MPP7: variants seen among roughly 807,000 people sequenced by gnomAD.
The protein encoded by MPP7 is MAGUK p55 scaffold protein 7.
A neutral mutation model predicts 76.5 loss-of-function variants in MPP7; 60 were observed. The observed-to-expected ratio is 0.78, with a 90% CI of 0.64 to 0.97. The LOEUF is 0.97. Ranked by LOEUF, MPP7 falls within the 50% of genes least tolerant of loss-of-function variation. MPP7 has a pLI of 0.00. For synonymous variants in MPP7, 237 were observed against 244.5 expected (o/e 0.97, Z 0.29); for missense variants, 641 against 694.0 (o/e 0.92, Z 0.86).
chr10:28,178,950 C>G (rs1192234065), intron 3 of MPP7, among the ~76,000 whole-genome samples: 1 of 151,888 alleles, frequency 6.6e-6, no homozygotes, highest in Non-Finnish European at 1.5e-5. Context: ...TCTTTAAAAG[C>G]AAAGGTAAAA....
intron 2 of MPP7, among the ~76,000 whole-genome samples, chr10:28,213,382 C>T (rs1006478048): frequency 2.7e-4 from 41 of 152,104 alleles, no homozygotes; most frequent in Admixed American, 2.7e-3. Context: ...CCACGTGGGG[C>T]AAATGTGGTT....
chr10:28,323,368 A>G (rs963980798), intron 2 of MPP7, among the ~76,000 whole-genome samples: 4 of 152,040 alleles, frequency 2.6e-5, no homozygotes, highest in Non-Finnish European at 5.9e-5. Flanking sequence ...TAGGAGGATC[A>G]ATTGAGCCTA....
At chr10:28,311,836 T>G (rs1039226768) in intron 2 of MPP7, among the ~76,000 whole-genome samples, 1 of 152,154 alleles carries the variant, frequency 6.6e-6, no homozygotes, top group Non-Finnish European at 1.5e-5. Flanking sequence ...CTCTTGCCCA[T>G]GTCTAGAAAG....
intron 2 of MPP7, among the ~76,000 whole-genome samples, chr10:28,226,257 A>AT (rs34909406): frequency 1.0e-3 from 153 of 147,242 alleles, no homozygotes; most frequent in South Asian, 1.7e-3. Context: ...GGTAAAGTTA[A>AT]TTTTTTTTTT....
intron 1 of MPP7, among the ~76,000 whole-genome samples, chr10:28,290,153 T>A (rs1051072007): frequency 6.6e-6 from 1 of 152,194 alleles, no homozygotes; most frequent in African/African-American, 2.4e-5. Flanking sequence ...ACGCTACTAT[T>A]GATACATACA....
At chr10:28,225,731 G>A (rs901906080) in intron 2 of MPP7, among the ~76,000 whole-genome samples, 3 of 152,064 alleles carry the variant, frequency 2.0e-5, no homozygotes, top group Admixed American at 6.6e-5. Flanking sequence ...AAAATGTTGC[G>A]GCATCCATGG....
At chr10:28,269,382 G>A (rs1461191612) in intron 1 of MPP7, among the ~76,000 whole-genome samples, 3 of 152,076 alleles carry the variant, frequency 2.0e-5, no homozygotes, top group African/African-American at 7.2e-5. Context: ...AGCATAAATT[G>A]GGTAGTGATT....
At chr10:28,099,979 AT>A (rs1426512851) in intron 11 of MPP7, among the ~76,000 whole-genome samples, 1 of 151,852 alleles carries the variant, frequency 6.6e-6, no homozygotes, top group Non-Finnish European at 1.5e-5. Flanking sequence ...TAATCAGAAG[AT>A]TTTTTAAAAT....
At chr10:28,251,722 C>T (rs1042866907) in intron 1 of MPP7, among the ~76,000 whole-genome samples, 3 of 152,030 alleles carry the variant, frequency 2.0e-5, no homozygotes, top group Non-Finnish European at 4.4e-5. Flanking sequence ...CTTCAATACA[C>T]CAACACAGGA....
At chr10:28,076,883 G>A (rs1418464152) in intron 12 of MPP7, among the ~76,000 whole-genome samples, 5 of 138,972 alleles carry the variant, frequency 3.6e-5, no homozygotes, top group Admixed American at 7.6e-5. Context: ...GTAAGACTCC[G>A]TCTGAAAAAA....
At chr10:28,094,408 G>A (rs1372925702) in intron 11 of MPP7, among the ~76,000 whole-genome samples, 1 of 152,064 alleles carries the variant, frequency 6.6e-6, no homozygotes, top group Non-Finnish European at 1.5e-5. Context: ...TCTCCACAAG[G>A]CTCATTTCCT....
chr10:28,286,656 A>T (rs1223694503), intron 1 of MPP7, among the ~76,000 whole-genome samples: 3 of 152,164 alleles, frequency 2.0e-5, no homozygotes, highest in Non-Finnish European at 4.4e-5. Context: ...TATCATTATA[A>T]TAATGCAAAC....
intron 2 of MPP7, among the ~76,000 whole-genome samples, chr10:28,203,626 G>C (rs1837855040): frequency 6.6e-6 from 1 of 151,238 alleles, no homozygotes; most frequent in East Asian, 1.9e-4. Flanking sequence ...AAAATTATTT[G>C]TAAGGTATCT....
intron 4 of MPP7, among the ~76,000 whole-genome samples, chr10:28,148,876 T>G (rs1325429608): frequency 6.6e-6 from 1 of 152,172 alleles, no homozygotes; most frequent in African/African-American, 2.4e-5. Flanking sequence ...AGTAAATGTT[T>G]TAAAACTGAT....
At chr10:28,088,505 C>T (rs368612376) in intron 12 of MPP7, among the ~76,000 whole-genome samples, 1 of 152,110 alleles carries the variant, frequency 6.6e-6, no homozygotes, top group South Asian at 2.1e-4. Flanking sequence ...TCCCCTTCAC[C>T]TTCTGCCATG....
At chr10:28,163,634 G>A (rs1449287181) in intron 3 of MPP7, among the ~76,000 whole-genome samples, 1 of 152,116 alleles carries the variant, frequency 6.6e-6, no homozygotes, top group Non-Finnish European at 1.5e-5. Context: ...TGTAGTGGGA[G>A]AAAGAAGTGT....
chr10:28,327,225 A>C (rs1834424859), intron 2 of MPP7, among the ~76,000 whole-genome samples: 1 of 130,086 alleles, frequency 7.7e-6, no homozygotes. Flanking sequence ...CAACTTGTCA[A>C]AGAAGTAAAA....
At chr10:28,103,485 C>T (rs965691761) in intron 11 of MPP7, among the ~76,000 whole-genome samples, 5 of 152,172 alleles carry the variant, frequency 3.3e-5, no homozygotes, top group Admixed American at 6.5e-5. Flanking sequence ...TTTGCTCAAA[C>T]GTGGCCTTCT....
At chr10:28,080,133 G>C (rs1702848282) in intron 12 of MPP7, among the ~76,000 whole-genome samples, 1 of 150,834 alleles carries the variant, frequency 6.6e-6, no homozygotes, top group East Asian at 1.9e-4. Context: ...AGAAAGAAGA[G>C]AAAAGAAAAG....
Sources: allele counts gnomAD v4.1 joint callset (sites outside exome capture counted in the v4.1 genomes callset), GRCh38; gene constraint gnomAD v4.1.1; transcripts MANE v1.5; gene names NCBI Gene and HGNC (gene_info 2026-07-23, HGNC 2026-07-21).